Variants in GFRAL observed in about 807,000 individuals in gnomAD.
GFRAL encodes the protein GDNF family receptor alpha-like.
GFRAL carries 36 observed loss-of-function variants against 45.4 expected under a neutral mutation model. The observed-to-expected ratio is 0.79, with a 90% CI of 0.61 to 1.05. GFRAL has a LOEUF of 1.05. GFRAL is among the 50% of genes least tolerant of loss of function. The pLI is 0.00. For synonymous variants in GFRAL, 166 were observed against 154.1 expected, an observed-to-expected ratio of 1.08 and a Z score of -0.57; for missense variants, 507 against 467.5, an observed-to-expected ratio of 1.08 and a Z score of -0.78.
chr6:55,372,705 C>T (rs749482640), intron 6 of GFRAL, among the ~76,000 whole-genome samples: 3 of 152,108 alleles, frequency 2.0e-5, no homozygotes, highest in Non-Finnish European at 2.9e-5. Flanking sequence ...CTCAGTCACA[C>T]GGCCACACTT....
chr6:55,389,447 A>G (rs1768720016), intron 6 of GFRAL, among the ~76,000 whole-genome samples: 10 of 152,200 alleles, frequency 6.6e-5, no homozygotes, highest in Non-Finnish European at 1.5e-5. Context: ...ACTAATGTGT[A>G]ACCACTAGCA....
At chr6:55,375,923 C>T (rs548343369) in intron 6 of GFRAL, among the ~76,000 whole-genome samples, 3 of 152,202 alleles carry the variant, frequency 2.0e-5, no homozygotes, top group South Asian at 2.1e-4. Flanking sequence ...AAAGGGCATC[C>T]TTATCTTGTG....
intron 6 of GFRAL, among the ~76,000 whole-genome samples, chr6:55,364,488 G>T (rs1173616011): frequency 6.9e-6 from 1 of 144,652 alleles, no homozygotes; most frequent in African/African-American, 2.7e-5. Context: ...ATTGCTTTTG[G>T]TGCTTTAGAC....
chr6:55,371,372 C>G (rs562073217), intron 6 of GFRAL, among the ~76,000 whole-genome samples: 1 of 152,240 alleles, frequency 6.6e-6, no homozygotes, highest in African/African-American at 2.4e-5. Context: ...TTCCTTTTAG[C>G]TAACCATATA....
At chr6:55,378,086 C>A (rs1016722031) in intron 6 of GFRAL, among the ~76,000 whole-genome samples, 3 of 152,024 alleles carry the variant, frequency 2.0e-5, no homozygotes, top group Non-Finnish European at 4.4e-5. Flanking sequence ...AGCCTTGATT[C>A]CCTCAAACTC....
chr6:55,338,560 C>T (rs1471260024), intron 3 of GFRAL, among the ~76,000 whole-genome samples: 1 of 152,096 alleles, frequency 6.6e-6, no homozygotes, highest in Non-Finnish European at 1.5e-5. Flanking sequence ...ACAGTCTACA[C>T]ACATAATAAG....
intron 8 of GFRAL, among the ~76,000 whole-genome samples, chr6:55,401,228 A>C (rs1768892374): frequency 6.6e-6 from 1 of 152,196 alleles, no homozygotes; most frequent in Non-Finnish European, 1.5e-5. Flanking sequence ...ATATAATTTA[A>C]AATTTATCAT....
At chr6:55,364,876 G>A (rs1768337476) in intron 6 of GFRAL, among the ~76,000 whole-genome samples, 3 of 152,188 alleles carry the variant, frequency 2.0e-5, no homozygotes, top group Admixed American at 1.3e-4. Flanking sequence ...GTAGCGAGAT[G>A]CCTCCAGCTT....
chr6:55,387,501 T>C (rs1768694759), intron 6 of GFRAL, among the ~76,000 whole-genome samples: 1 of 152,216 alleles, frequency 6.6e-6, no homozygotes, highest in South Asian at 2.1e-4. Context: ...GCATCAGATG[T>C]ATTGCCATAA....
chr6:55,351,285 G>T lies in GFRAL; in HGVS notation c.403G>T (p.Ala135Ser), dbSNP rs1400480501. ...AGGGATGTGGTCCTGTTTGGAAGTG[G>T]CAGAGGCATGTGTAGGGGATGTGGT... ...FKGMWSCLEV[A>S]EACVGDVVCN... The change falls in exon 5 of 9, where the codon GCA becomes TCA. Residue 135 changes from alanine to serine, a missense_variant. Transcript: ENST00000340465. 3.1e-6 allele frequency: 5 copies of T among 1,604,070 alleles called. No individual in the cohort carries two copies. The highest frequency in any genetic ancestry group is 4.3e-6 in the Non-Finnish European group (5 of 1,172,928).
intron 3 of GFRAL, among the ~76,000 whole-genome samples, chr6:55,346,497 A>G (rs1009024295): frequency 2.0e-5 from 3 of 152,008 alleles, no homozygotes; most frequent in Non-Finnish European, 2.9e-5. Context: ...AACAATGAGA[A>G]CACTTGGACA....
chr6:55,345,644 C>T (rs1768030896), intron 3 of GFRAL, among the ~76,000 whole-genome samples: 1 of 152,166 alleles, frequency 6.6e-6, no homozygotes. Flanking sequence ...GCAAGGACTT[C>T]ATGTCTAAAA....
Position 55,402,282 on chromosome 6 carries a change from C to T in GFRAL, c.*429C>T, listed in dbSNP as rs1050921920. 3 of 153,638 alleles carry T rather than the reference C, an allele frequency of 2.0e-5. No homozygotes were observed. Among genetic ancestry groups the T allele is most frequent in the African/African-American group, 4.8e-5 (2 of 41,448 alleles). The allele number at this position is 153,638 out of a possible 1,614,324, so 9.5% of individuals were successfully genotyped here. A position where few individuals can be genotyped will look rare whatever the true frequency, so the allele number is the denominator to read the frequency against. ...GGCGTGAGCAACCACGTCAAGACAA[C>T]AATCACTTTCTTTAAAGCAAATCCT... On this transcript the variant is annotated 3_prime_UTR_variant, in exon 9 of 9. Coordinates refer to ENST00000340465, the MANE Select transcript of GFRAL (RefSeq NM_207410.2).
intron 6 of GFRAL, among the ~76,000 whole-genome samples, chr6:55,370,402 C>T (rs192485735): frequency 4.6e-5 from 7 of 151,182 alleles, no homozygotes; most frequent in East Asian, 3.9e-4. Context: ...ATTTTTTTGC[C>T]CCTTTAGTAT....
At chr6:55,394,743 G>T (rs1419735210) in intron 6 of GFRAL, among the ~76,000 whole-genome samples, 2 of 152,014 alleles carry the variant, frequency 1.3e-5, no homozygotes, top group African/African-American at 2.4e-5. Context: ...CTTTTAAGTG[G>T]TCTTTGGGTA....
chr6:55,375,872 T>C (rs1344245100), intron 6 of GFRAL, among the ~76,000 whole-genome samples: 1 of 152,158 alleles, frequency 6.6e-6, no homozygotes, highest in Non-Finnish European at 1.5e-5. Context: ...CTGATTTCCC[T>C]GGCCAGAAAT....
chr6:55,362,254 C>T (rs905647770), intron 6 of GFRAL, among the ~76,000 whole-genome samples: 3 of 150,268 alleles, frequency 2.0e-5, no homozygotes, highest in Non-Finnish European at 3.0e-5. Context: ...GCTATGTTCT[C>T]CTGTTTGTGA....
chr6:55,338,850 A>T (rs1235978285), intron 3 of GFRAL, among the ~76,000 whole-genome samples: 2 of 152,204 alleles, frequency 1.3e-5, no homozygotes, highest in Non-Finnish European at 2.9e-5. Flanking sequence ...GGCTGAACTT[A>T]CATATCTTTC....
intron 2 of GFRAL, among the ~76,000 whole-genome samples, chr6:55,332,266 T>C (rs556342571): frequency 3.3e-5 from 5 of 152,314 alleles, no homozygotes; most frequent in African/African-American, 1.2e-4. Flanking sequence ...CAATGTATAT[T>C]CTTGAAACAT....
Sources: gnomAD v4.1 joint callset for allele counts (sites outside exome capture counted in the v4.1 genomes callset) on GRCh38, gnomAD v4.1.1 for gene constraint, MANE v1.5 for transcripts, NCBI Gene and HGNC (gene_info 2026-07-23, HGNC 2026-07-21) for gene names.